ZNF664: variants seen among roughly 807,000 people sequenced by gnomAD.
ZNF664 encodes the protein zinc finger protein 664, also known as zinc finger Organ of Corti 1.
ZNF664 carries 10 observed loss-of-function variants against 18.2 expected under a neutral mutation model. The ratio of observed to expected loss-of-function variants is 0.55; its 90% CI spans 0.34 to 0.93. The LOEUF (loss-of-function observed/expected upper bound fraction) is 0.93, where lower values mean the gene tolerates loss of function less well. Ranked by LOEUF, ZNF664 falls within the 40% of genes least tolerant of loss-of-function variation. The pLI is 0.02. For missense variants in ZNF664, 193 were observed against 319.0 expected, an observed-to-expected ratio of 0.61 and a Z score of 3.01; for synonymous variants, 119 against 104.2, an observed-to-expected ratio of 1.14 and a Z score of -0.86.
chr12:124,007,696 A>AT lies in ZNF664; in HGVS notation c.-660-3674dup, dbSNP rs767018173. 3.5e-3 allele frequency among the ~76,000 whole-genome samples: 524 copies of AT among 148,694 alleles called. 1 individual carries two copies. Among genetic ancestry groups the AT allele is most frequent in the Middle Eastern group, 7.0e-3 (2 of 284 alleles). On this transcript the variant is annotated intron_variant, in intron 3 of 4. Transcript: ENST00000337815. ...GAAAGGAATATCTTAGCATTCACAGATTTTTTTTTTTAACCATGAAAATTT... is the reference window on the plus strand; with the variant it reads ...GAAAGGAATATCTTAGCATTCACAGATTTTTTTTTTTTAACCATGAAAATTT...
chr12:123,985,550 T>C (rs1466336609), intron 2 of ZNF664, among the ~76,000 whole-genome samples: 5 of 152,264 alleles, frequency 3.3e-5, no homozygotes, highest in African/African-American at 1.2e-4. Context: ...ATAGAAGTTA[T>C]TTGGCTTCAC....
intron 3 of ZNF664, chr12:124,006,125 A>T (rs2138441501): frequency 6.6e-6 from 1 of 152,496 alleles, no homozygotes; most frequent in Non-Finnish European, 1.5e-5. Context: ...CAAGGTGATT[A>T]GTCTTTATTT....
At chr12:123,980,293 G>T (rs1254944483) in intron 2 of ZNF664, among the ~76,000 whole-genome samples, 1 of 152,104 alleles carries the variant, frequency 6.6e-6, no homozygotes, top group Non-Finnish European at 1.5e-5. Flanking sequence ...TTGTAAGGAA[G>T]ATGTTACAAT....
At chr12:124,004,361 AGGTTCC>A (rs1957046439) in intron 3 of ZNF664, among the ~76,000 whole-genome samples, 1 of 152,226 alleles carries the variant, frequency 6.6e-6, no homozygotes, top group South Asian at 2.1e-4. Context: ...AGCAAAGAAA[AGGTTCC>A]ATAGGATTAA....
rs1363676007 is a variant in ZNF664, at chr12:124,015,323, C to T, written c.*2393C>T. The T allele has an allele frequency of 6.0e-6, 1 of 167,034 alleles. No individual in the cohort carries two copies. Among genetic ancestry groups the T allele is most frequent in the Non-Finnish European group, 1.5e-5 (1 of 68,126 alleles). 10.3% of individuals were successfully genotyped at this position (167,034 alleles called of 1,614,324 possible). ...AATATGACTAACCCTTTTGAAGCTA[C>T]TAATTTTATGTCGAGCTTTAAAGTC... On this transcript the variant is annotated 3_prime_UTR_variant, in exon 5 of 5. Transcript: ENST00000337815.
intron 3 of ZNF664, among the ~76,000 whole-genome samples, chr12:123,997,051 A>AG (rs1417462965): frequency 2.0e-5 from 3 of 151,978 alleles, no homozygotes; most frequent in Non-Finnish European, 4.4e-5. Context: ...ACTCTTGTAA[A>AG]GGAAAGGAAA....
chr12:124,013,199 A>G lies in ZNF664; in HGVS notation c.*269A>G, dbSNP rs895781884. The G allele has an allele frequency of 5.3e-5, 26 of 490,638 alleles. No individual in the cohort carries two copies. In the Admixed American group the frequency reaches 6.6e-4, roughly 13 times the overall value. 30.4% of individuals were successfully genotyped at this position (490,638 alleles called of 1,614,324 possible). On this transcript the variant is annotated 3_prime_UTR_variant, in exon 5 of 5. Coordinates refer to ENST00000337815, the MANE Select transcript of ZNF664 (RefSeq NM_152437.3). ...CCTGGGATTCCAGCACGATGCCTCC[A>G]TAGTTGAAAGACTACACAAAAAGCC...
At position 124,012,873 on chromosome 12, in the gene ZNF664, C is replaced by T. The variant is rs765662726; in HGVS notation, c.729C>T (p.Cys243=). ...GKAFSQSTSL[C]IHQRVHTKER... is the part of the protein sequence containing the mutation. ...CCTTCAGTCAGAGTACGAGCCTCTG[C>T]ATCCACCAGAGAGTCCACACAAAGG... The change falls in exon 5 of 5, where the codon TGC becomes TGT. Residue 243 remains cysteine, a synonymous_variant. Transcript: ENST00000337815. 23 of 1,614,194 alleles carry T rather than the reference C, an allele frequency of 1.4e-5. No individual in the cohort carries two copies. Among genetic ancestry groups the T allele is most frequent in the Non-Finnish European group, 1.9e-5 (23 of 1,180,034 alleles).
chr12:123,974,252 A>G (rs1956652103), intron 2 of ZNF664: 1 of 388,208 alleles, frequency 2.6e-6, no homozygotes, highest in African/African-American at 2.1e-5. Context: ...TCTAACAACT[A>G]AATCTCCCCG....
chr12:123,999,670 C>T lies in ZNF664; in HGVS notation c.-661+11532C>T, dbSNP rs534535875. On this transcript the variant is annotated intron_variant, in intron 3 of 4. Transcript: ENST00000337815. ...CTCAGTCCAGACATCCAGAGAGGAG[C>T]GGTGTTGGGCTGAATCTTAAGTAGG... Among the ~76,000 whole-genome samples the T allele has an allele frequency of 6.6e-5, 10 of 152,242 alleles. No homozygotes were observed. In the South Asian group the frequency reaches 1.4e-3, roughly 22 times the overall value.
In ZNF664 at chr12:123,976,973, G is replaced by A. The variant is rs375598056; in HGVS notation, c.-757+2953G>A. On this transcript the variant is annotated intron_variant, in intron 2 of 4. Transcript: ENST00000337815. ...CAGGCACCCGTATTCCCAGCTACTC[G>A]GGAGGCTGAGGCAGGAGAATGGCGT... 3.9e-5 allele frequency among the ~76,000 whole-genome samples: 6 copies of A among 152,124 alleles called. 1 individual carries two copies. Among genetic ancestry groups the A allele is most frequent in the Admixed American group, 2.0e-4 (3 of 15,278 alleles).
chr12:123,997,002 G>GT (rs1292569059), intron 3 of ZNF664, among the ~76,000 whole-genome samples: 2 of 152,134 alleles, frequency 1.3e-5, no homozygotes, highest in Non-Finnish European at 2.9e-5. Flanking sequence ...ACTGTTTGTG[G>GT]TTTTTTTGTT....
intron 2 of ZNF664, among the ~76,000 whole-genome samples, chr12:123,983,486 A>C (rs940617516): frequency 2.0e-5 from 3 of 152,212 alleles, no homozygotes; most frequent in African/African-American, 7.2e-5. Context: ...TAAAATAATC[A>C]TAGGTTATTT....
chr12:124,006,675 A>T (rs1305845733), intron 3 of ZNF664, among the ~76,000 whole-genome samples: 2 of 152,178 alleles, frequency 1.3e-5, no homozygotes, highest in Non-Finnish European at 2.9e-5. Flanking sequence ...AGATGGGCTA[A>T]ATTTTAAGCT....
At chr12:123,980,564 C>T (rs1956752479) in intron 2 of ZNF664, among the ~76,000 whole-genome samples, 1 of 152,124 alleles carries the variant, frequency 6.6e-6, no homozygotes, top group African/African-American at 2.4e-5. Flanking sequence ...GATACATCCC[C>T]TATATCATAT....
rs377306386 is a variant in ZNF664 at position 123,975,441 on chromosome 12, G to C, written c.-757+1421G>C. Among the ~76,000 whole-genome samples the C allele has an allele frequency of 2.7e-4, 41 of 150,628 alleles. 1 individual carries two copies. The East Asian group carries it at 4.5e-3, about 16-fold the overall frequency. ...TTCATTAAAAAAAAAAAAAAAGAGAGAGAGATAGGGTCTCTTTCTGTTGCC... is the reference window on the plus strand; with the variant it reads ...TTCATTAAAAAAAAAAAAAAAGAGACAGAGATAGGGTCTCTTTCTGTTGCC... On this transcript the variant is annotated intron_variant, in intron 2 of 4. Transcript: ENST00000337815.
intron 3 of ZNF664, among the ~76,000 whole-genome samples, chr12:124,009,758 C>T (rs1156501261): frequency 1.3e-5 from 2 of 152,190 alleles, no homozygotes; most frequent in Middle Eastern, 3.2e-3. Flanking sequence ...TCAAGTGATC[C>T]TCCCACCTCG....
At position 124,013,063 on chromosome 12, in the gene ZNF664, T is replaced by A; in HGVS notation, c.*133T>A. ...AACATTGTTTCTGAGGAGGCATATG[T>A]GAGATTGATTTGTTGGTTCATGCCA... On this transcript the variant is annotated 3_prime_UTR_variant, in exon 5 of 5. Coordinates refer to ENST00000337815, the MANE Select transcript of ZNF664 (RefSeq NM_152437.3). 8.2e-7 allele frequency: 1 copy of A among 1,217,026 alleles called. No individual in the cohort carries two copies. Among genetic ancestry groups the A allele is most frequent in the Non-Finnish European group, 1.1e-6 (1 of 887,910 alleles). The allele number at this position is 1,217,026 out of a possible 1,614,324, so 75.4% of individuals were successfully genotyped here.
At chr12:123,975,668 G>T (rs913687028) in intron 2 of ZNF664, among the ~76,000 whole-genome samples, 3 of 152,166 alleles carry the variant, frequency 2.0e-5, no homozygotes. Context: ...GCCTAAAGCA[G>T]TCCTCCCAAA....
Sources: gnomAD v4.1 joint callset for allele counts (sites outside exome capture counted in the v4.1 genomes callset) on GRCh38, gnomAD v4.1.1 for gene constraint, MANE v1.5 for transcripts, NCBI Gene and HGNC (gene_info 2026-07-23, HGNC 2026-07-21) for gene names.